Variants in GPC6 observed in about 807,000 individuals in gnomAD.
GPC6 encodes glypican 6.
GPC6 carries 14 observed loss-of-function variants against 55.2 expected under a neutral mutation model. The observed-to-expected ratio is 0.25, with a 90% CI of 0.17 to 0.40. GPC6 has a LOEUF of 0.40. GPC6 is among the 10% of genes least tolerant of loss of function. The pLI is 1.00. For missense variants in GPC6, 641 were observed against 708.5 expected (o/e 0.90, Z 1.08); for synonymous variants, 278 against 259.6 (o/e 1.07, Z -0.68).
At chr13:93,915,008 C>G (rs1335873465) in intron 3 of GPC6, among the ~76,000 whole-genome samples, 1 of 152,130 alleles carries the variant, frequency 6.6e-6, no homozygotes, top group African/African-American at 2.4e-5. Context: ...TTTGATCTCC[C>G]AAACTCAGCA....
At chr13:94,327,228 G>C (rs1594172436) in intron 6 of GPC6, among the ~76,000 whole-genome samples, 1 of 152,210 alleles carries the variant, frequency 6.6e-6, no homozygotes, top group Non-Finnish European at 1.5e-5. Flanking sequence ...TTTACTAGTT[G>C]TGTGTTTGTA....
intron 5 of GPC6, among the ~76,000 whole-genome samples, chr13:94,288,436 C>T (rs569894457): frequency 7.6e-4 from 115 of 152,010 alleles, no homozygotes; most frequent in Non-Finnish European, 2.8e-4. Context: ...CTCCATGTCC[C>T]CAGTCTCCCA....
intron 2 of GPC6, among the ~76,000 whole-genome samples, chr13:93,783,576 GTCTATCTATCTA>G (rs60855226): frequency 3.3e-5 from 5 of 151,014 alleles, no homozygotes; most frequent in African/African-American, 9.8e-5. Flanking sequence ...CTATCTATCT[GTCTATCTATCTA>G]TCTATCTATC....
At chr13:94,075,106 G>A (rs753555500) in intron 4 of GPC6, among the ~76,000 whole-genome samples, 3 of 152,134 alleles carry the variant, frequency 2.0e-5, no homozygotes, top group Non-Finnish European at 2.9e-5. Flanking sequence ...TCATGTGATA[G>A]TAGCTATACA....
At chr13:94,137,411 G>T (rs1196347711) in intron 4 of GPC6, among the ~76,000 whole-genome samples, 1 of 152,156 alleles carries the variant, frequency 6.6e-6, no homozygotes, top group African/African-American at 2.4e-5. Context: ...TGCTGCAATT[G>T]CTATAATTCT....
At chr13:94,022,444 T>C (rs1041512689) in intron 3 of GPC6, among the ~76,000 whole-genome samples, 2 of 152,036 alleles carry the variant, frequency 1.3e-5, no homozygotes, top group Non-Finnish European at 2.9e-5. Flanking sequence ...CTCAATAATA[T>C]TTTATTGTGC....
chr13:94,266,293 C>T (rs1049354248), intron 4 of GPC6, among the ~76,000 whole-genome samples: 16 of 152,166 alleles, frequency 1.1e-4, no homozygotes, highest in East Asian at 3.9e-4. Context: ...ATCAGCCTCC[C>T]GAGTAGCTGG....
At chr13:94,050,899 T>C (rs1312399434) in intron 4 of GPC6, among the ~76,000 whole-genome samples, 1 of 152,116 alleles carries the variant, frequency 6.6e-6, no homozygotes, top group African/African-American at 2.4e-5. Context: ...ATAAATGGCA[T>C]TTGTAATCTA....
chr13:94,202,043 T>A (rs1889768099), intron 4 of GPC6, among the ~76,000 whole-genome samples: 1 of 152,210 alleles, frequency 6.6e-6, no homozygotes, highest in Non-Finnish European at 1.5e-5. Context: ...GGTAATAGTT[T>A]TCTCACTCCC....
intron 1 of GPC6, among the ~76,000 whole-genome samples, chr13:93,357,296 G>A (rs1221730639): frequency 6.6e-6 from 1 of 152,076 alleles, no homozygotes; most frequent in Admixed American, 6.5e-5. Context: ...GAATTAAATT[G>A]TTCAATTTTG....
At chr13:94,050,754 C>T (rs1211884690) in intron 4 of GPC6, among the ~76,000 whole-genome samples, 2 of 152,140 alleles carry the variant, frequency 1.3e-5, no homozygotes, top group Non-Finnish European at 2.9e-5. Context: ...TGCCAATCCT[C>T]TTACTGAGAG....
At chr13:93,622,919 A>G (rs61964566) in intron 2 of GPC6, among the ~76,000 whole-genome samples, 32,002 of 151,940 alleles carry the variant, frequency 0.21, 4,363 homozygotes, top group Non-Finnish European at 0.3. Flanking sequence ...ACTTCCTCCT[A>G]TTTTCCCCAG....
In GPC6 at chr13:93,366,688, A is replaced by G. The variant is rs190830379; in HGVS notation, c.160+139072A>G. On this transcript the variant is annotated intron_variant, in intron 1 of 8. Coordinates refer to ENST00000377047, the MANE Select transcript of GPC6 (RefSeq NM_005708.5). Reference sequence around the variant, plus strand: ...CTCATTCAAATTGAGCAGATTTCCAATGATTTGCAATCCATTTATTTGGGT... The same window carrying G: ...CTCATTCAAATTGAGCAGATTTCCAGTGATTTGCAATCCATTTATTTGGGT... Among the ~76,000 whole-genome samples the G allele has an allele frequency of 3.8e-3, 577 of 152,146 alleles. 1 individual carries two copies. The highest frequency in any genetic ancestry group is 6.4e-3 in the Non-Finnish European group (437 of 67,944).
Position 93,227,640 on chromosome 13 carries a change from G to T in GPC6, c.160+24G>T. ...AGGTAAGCGCGGGCGCGCTGCAGGG[G>T]CAGGCTGCAGCCCTCGGCTGCCGCA... On this transcript the variant is annotated intron_variant, in intron 1 of 8. Transcript: ENST00000377047. This position sits in a 1 kb window ranked among gnomAD's most constrained non-coding sequence, Gnocchi z 4.3. The T allele has an allele frequency of 6.4e-7, 1 of 1,568,436 alleles. No individual in the cohort carries two copies.
At chr13:93,752,644 A>G (rs1053462941) in intron 2 of GPC6, among the ~76,000 whole-genome samples, 2 of 152,214 alleles carry the variant, frequency 1.3e-5, no homozygotes, top group South Asian at 4.2e-4. Flanking sequence ...ACAGAGTTGC[A>G]TGTTGAAAGG....
intron 1 of GPC6, among the ~76,000 whole-genome samples, chr13:93,260,847 G>A (rs947621671): frequency 2.0e-5 from 3 of 151,998 alleles, no homozygotes; most frequent in African/African-American, 7.2e-5. Flanking sequence ...AATAACTCTA[G>A]CAATGTAGTA....
intron 3 of GPC6, among the ~76,000 whole-genome samples, chr13:93,944,861 A>G (rs1878924257): frequency 1.3e-5 from 2 of 151,678 alleles, no homozygotes; most frequent in African/African-American, 4.8e-5. Flanking sequence ...AGTCTCCTCA[A>G]AGTTATCATC....
chr13:93,673,380 T>C (rs1881446492), intron 2 of GPC6, among the ~76,000 whole-genome samples: 1 of 152,210 alleles, frequency 6.6e-6, no homozygotes, highest in Admixed American at 6.5e-5. Context: ...GTTTAAATTC[T>C]GGCCAACATG....
At chr13:93,559,210 C>T (rs1378261687) in intron 2 of GPC6, among the ~76,000 whole-genome samples, 2 of 152,182 alleles carry the variant, frequency 1.3e-5, no homozygotes. Flanking sequence ...GTGTATACCA[C>T]ATCTCAGTAT....
Sources: gnomAD v4.1 joint callset for allele counts (sites outside exome capture counted in the v4.1 genomes callset) on GRCh38, gnomAD v4.1.1 for gene constraint, Gnocchi (gnomAD v3.1) non-coding constraint, MANE v1.5 for transcripts, NCBI Gene and HGNC (gene_info 2026-07-23, HGNC 2026-07-21) for gene names.